TMEM132D: variants seen among roughly 807,000 people sequenced by gnomAD.
TMEM132D encodes the protein transmembrane protein 132D, also known as mature OL transmembrane protein.
A neutral mutation model predicts 62.3 loss-of-function variants in TMEM132D; 21 were observed. The observed-to-expected ratio is 0.34, with a 90% CI of 0.24 to 0.49. The LOEUF is 0.49. Ranked by LOEUF, TMEM132D falls within the 20% of genes least tolerant of loss-of-function variation. The pLI, the probability that TMEM132D is intolerant of heterozygous loss-of-function variation, is 0.99. For synonymous variants in TMEM132D, 621 were observed against 575.6 expected (o/e 1.08, Z -1.13); for missense variants, 1,346 against 1,402.8 (o/e 0.96, Z 0.65).
intron 3 of TMEM132D, among the ~76,000 whole-genome samples, chr12:129,340,657 A>G (rs1373227816): frequency 1.3e-5 from 2 of 152,180 alleles, no homozygotes; most frequent in East Asian, 3.9e-4. Flanking sequence ...TTATGTCTGC[A>G]TAGTATTCCA....
chr12:129,229,663 A>T (rs1879582135), intron 4 of TMEM132D, among the ~76,000 whole-genome samples: 1 of 152,256 alleles, frequency 6.6e-6, no homozygotes, highest in African/African-American at 2.4e-5. Flanking sequence ...GGACATAGAA[A>T]ATTGATAAAC....
chr12:129,682,182 T>G (rs1001411740), intron 2 of TMEM132D, among the ~76,000 whole-genome samples: 1 of 152,234 alleles, frequency 6.6e-6, no homozygotes, highest in Non-Finnish European at 1.5e-5. Context: ...TAGTTTGAAA[T>G]GGCCTTAAGT....
At chr12:129,523,112 GCACACACA>G (rs59081530) in intron 3 of TMEM132D, among the ~76,000 whole-genome samples, 1 of 151,480 alleles carries the variant, frequency 6.6e-6, no homozygotes, top group South Asian at 2.1e-4. Flanking sequence ...ACACGCACGT[GCACACACA>G]CACACACAGA....
At chr12:129,168,828 T>A (rs1593283651) in intron 5 of TMEM132D, among the ~76,000 whole-genome samples, 2 of 152,298 alleles carry the variant, frequency 1.3e-5, no homozygotes, top group East Asian at 3.9e-4. Flanking sequence ...GAATCACCCT[T>A]GGTTGAGAAC....
At chr12:129,301,738 G>A (rs1268510756) in intron 4 of TMEM132D, among the ~76,000 whole-genome samples, 3 of 152,098 alleles carry the variant, frequency 2.0e-5, no homozygotes, top group East Asian at 1.9e-4. Flanking sequence ...CAAGTCTGGT[G>A]GGTGGGGGTC....
Position 129,903,628 on chromosome 12 carries a change from G to C in TMEM132D, c.-289C>G. 2.3e-6 allele frequency: 1 copy of C among 433,828 alleles called. No homozygotes were observed. Among genetic ancestry groups the C allele is most frequent in the Non-Finnish European group, 4.1e-6 (1 of 241,172 alleles). The allele number at this position is 433,828 out of a possible 1,614,324, so 26.9% of individuals were successfully genotyped here. On this transcript the variant is annotated 5_prime_UTR_variant, in exon 1 of 9. Coordinates refer to ENST00000422113, the MANE Select transcript of TMEM132D (RefSeq NM_133448.3). The surrounding 1 kb of genome is among the most constrained non-coding windows in gnomAD (Gnocchi z 6.2). ...AATTTTTTTTAAATTTTAATCCACAGGGGGTATTTCCTTTCCTGTTTACCC... is the reference window on the plus strand; with the variant it reads ...AATTTTTTTTAAATTTTAATCCACACGGGGTATTTCCTTTCCTGTTTACCC...
intron 2 of TMEM132D, among the ~76,000 whole-genome samples, chr12:129,633,162 G>A (rs1024674405): frequency 6.6e-6 from 1 of 152,124 alleles, no homozygotes; most frequent in African/African-American, 2.4e-5. Context: ...CATGTACAAA[G>A]AGACAAACAT....
At chr12:129,273,435 C>CAAAAAAAAAAAAAAAAAAAAAAAA (rs36073067) in intron 4 of TMEM132D, among the ~76,000 whole-genome samples, 1 of 113,800 alleles carries the variant, frequency 8.8e-6, no homozygotes, top group Non-Finnish European at 1.8e-5. Context: ...ATCAGCCTGT[C>CAAAAAAAAAAAAAAAAAAAAAAAA]AAAAAAAAAA....
chr12:129,543,751 T>A (rs1207943870), intron 2 of TMEM132D, among the ~76,000 whole-genome samples: 1 of 152,202 alleles, frequency 6.6e-6, no homozygotes, highest in African/African-American at 2.4e-5. Context: ...GCTAAGGCCA[T>A]CCACACAAAT....
At chr12:129,600,190 C>T (rs942733378) in intron 2 of TMEM132D, among the ~76,000 whole-genome samples, 2 of 152,222 alleles carry the variant, frequency 1.3e-5, no homozygotes, top group African/African-American at 2.4e-5. Flanking sequence ...AATGCTCACA[C>T]GTCCTCACCA....
At chr12:129,149,755 C>T (rs1877018310) in intron 5 of TMEM132D, among the ~76,000 whole-genome samples, 1 of 152,226 alleles carries the variant, frequency 6.6e-6, no homozygotes, top group African/African-American at 2.4e-5. Context: ...CTGCCCAACA[C>T]TGGGGGGCTG....
At chr12:129,098,312 C>T (rs1239076726) in intron 5 of TMEM132D, among the ~76,000 whole-genome samples, 1 of 152,098 alleles carries the variant, frequency 6.6e-6, no homozygotes, top group Non-Finnish European at 1.5e-5. Context: ...TCTTTGACAG[C>T]CTTTTCAGTA....
intron 1 of TMEM132D, chr12:129,853,149 C>G (rs1873600752): frequency 1.3e-5 from 2 of 152,146 alleles, no homozygotes; most frequent in African/African-American, 2.4e-5. Context: ...CATGTCTTTG[C>G]CATTGGCACC....
rs76218963 is a variant in TMEM132D, at chr12:129,748,007, C to T, written c.80-47309G>A. ...TGTCTGTTCCCCCTCATTAGGATGC[C>T]GTGTCCATGCAGGCAAGACCCTGTT... On this transcript the variant is annotated intron_variant, in intron 1 of 8. Transcript: ENST00000422113. Among the ~76,000 whole-genome samples, 1,133 of 152,258 alleles carry T rather than the reference C, an allele frequency of 7.4e-3. 16 individuals are homozygous for T. Among genetic ancestry groups the T allele is most frequent in the African/African-American group, 0.025 (1,058 of 41,558 alleles).
chr12:129,648,959 A>G (rs1879856249), intron 2 of TMEM132D, among the ~76,000 whole-genome samples: 1 of 152,162 alleles, frequency 6.6e-6, no homozygotes. Context: ...TGTTAAGCAC[A>G]CTTCAGAGTT....
At chr12:129,585,713 C>T (rs908240261) in intron 2 of TMEM132D, among the ~76,000 whole-genome samples, 1 of 151,996 alleles carries the variant, frequency 6.6e-6, no homozygotes, top group Non-Finnish European at 1.5e-5. Context: ...ATTTTAGAAG[C>T]ATCTAGCACA....
At chr12:129,398,722 C>G (rs988626471) in intron 3 of TMEM132D, among the ~76,000 whole-genome samples, 4 of 152,118 alleles carry the variant, frequency 2.6e-5, no homozygotes, top group Non-Finnish European at 5.9e-5. Flanking sequence ...TCCTAGCCAC[C>G]AAGCAATTCA....
At chr12:129,828,970 G>A (rs1008738994) in intron 1 of TMEM132D, among the ~76,000 whole-genome samples, 3 of 151,812 alleles carry the variant, frequency 2.0e-5, no homozygotes, top group African/African-American at 7.3e-5. Flanking sequence ...ACTATGAGGA[G>A]GTGGCCGAGG....
chr12:129,220,002 T>C (rs1879308688), intron 4 of TMEM132D, among the ~76,000 whole-genome samples: 1 of 152,232 alleles, frequency 6.6e-6, no homozygotes, highest in African/African-American at 2.4e-5. Context: ...CTCTAAAATA[T>C]GTACTTCATT....
Sources: gnomAD v4.1 joint callset for allele counts (sites outside exome capture counted in the v4.1 genomes callset) on GRCh38, gnomAD v4.1.1 for gene constraint, Gnocchi (gnomAD v3.1) non-coding constraint, MANE v1.5 for transcripts, NCBI Gene and HGNC (gene_info 2026-07-23, HGNC 2026-07-21) for gene names.